Variants in NT5C2 observed in about 807,000 individuals in gnomAD.
The protein encoded by NT5C2 is cytosolic purine 5'-nucleotidase.
NT5C2 carries 58 observed loss-of-function variants against 76.1 expected under a neutral mutation model. The ratio of observed to expected loss-of-function variants is 0.76; its 90% CI spans 0.62 to 0.95. The LOEUF (loss-of-function observed/expected upper bound fraction) is 0.95. NT5C2 is among the 40% of genes least tolerant of loss of function. The pLI, the probability that NT5C2 is intolerant of heterozygous loss-of-function variation, is 0.00. For synonymous variants in NT5C2, 229 were observed against 237.4 expected, an observed-to-expected ratio of 0.96 and a Z score of 0.32; for missense variants, 478 against 690.3, an observed-to-expected ratio of 0.69 and a Z score of 3.45.
rs546746735 is a variant in NT5C2, at chr10:103,133,699, G to C, written c.175+5707C>G. ...ATCCAAAAATGTGGAAGCAACTTTG[G>C]AACTGGGTAACAGACAAATGTTAGA... On this transcript the variant is annotated intron_variant, in intron 4 of 18. Coordinates refer to ENST00000404739, the MANE Select transcript of NT5C2 (RefSeq NM_001351169.2). Among the ~76,000 whole-genome samples, 269 of 152,348 alleles carry C rather than the reference G, an allele frequency of 1.8e-3. 1 individual carries two copies. Among genetic ancestry groups the C allele is most frequent in the African/African-American group, 6.3e-3 (262 of 41,580 alleles).
At chr10:103,170,409 G>C (rs1163099121) in intron 3 of NT5C2, among the ~76,000 whole-genome samples, 3 of 151,622 alleles carry the variant, frequency 2.0e-5, no homozygotes, top group Non-Finnish European at 4.4e-5. Flanking sequence ...CTTACTATAT[G>C]AAAGAACGTA....
At chr10:103,113,498 T>A (rs867718592) in intron 4 of NT5C2, among the ~76,000 whole-genome samples, 2 of 151,624 alleles carry the variant, frequency 1.3e-5, no homozygotes, top group African/African-American at 2.4e-5. Flanking sequence ...TAGCTAATAT[T>A]TTTTTTTTCA....
At chr10:103,190,989 A>G (rs2092591892) in intron 1 of NT5C2, among the ~76,000 whole-genome samples, 1 of 152,232 alleles carries the variant, frequency 6.6e-6, no homozygotes, top group South Asian at 2.1e-4. Flanking sequence ...AAACCAGTCT[A>G]TGTAAGTACT....
At chr10:103,090,023 CA>C in intron 18 of NT5C2, 115 bp from the exon 19 acceptor site, 1 of 711,380 alleles carries the variant, frequency 1.4e-6, no homozygotes, top group Non-Finnish European at 2.2e-6. Context: ...TAATGGACCA[CA>C]GGACAAGTCA....
chr10:103,180,754 AGC>A (rs2090910321), intron 2 of NT5C2, among the ~76,000 whole-genome samples: 1 of 152,170 alleles, frequency 6.6e-6, no homozygotes, highest in East Asian at 1.9e-4. Context: ...AAATGTTCTT[AGC>A]AGCTTTGTAA....
intron 3 of NT5C2, among the ~76,000 whole-genome samples, chr10:103,165,750 T>C (rs891609525): frequency 6.7e-6 from 1 of 149,648 alleles, no homozygotes; most frequent in Non-Finnish European, 1.5e-5. Context: ...AGGCTCACTG[T>C]AACCTCCGCC....
intron 15 of NT5C2, among the ~76,000 whole-genome samples, chr10:103,092,825 T>C (rs1013787527): frequency 3.9e-5 from 6 of 152,198 alleles, no homozygotes; most frequent in African/African-American, 7.2e-5. Context: ...TGGGGAAATA[T>C]GGGACCACAG....
chr10:103,111,860 T>G (rs1383314249), intron 4 of NT5C2: 2 of 1,123,130 alleles, frequency 1.8e-6, no homozygotes, highest in African/African-American at 3.2e-5. Flanking sequence ...AAAAGCTGGT[T>G]TTAAAACTGT....
chr10:103,097,156 C>T, intron 11 of NT5C2, 135 bp downstream of exon 11: 2 of 611,586 alleles, frequency 3.3e-6, no homozygotes. Flanking sequence ...TATATTTTTG[C>T]CTTTTTACTC....
intron 4 of NT5C2, among the ~76,000 whole-genome samples, chr10:103,139,205 T>C (rs2079911665): frequency 6.6e-6 from 1 of 152,160 alleles, no homozygotes. Context: ...TCTATCTATG[T>C]GTACAAACTC....
intron 4 of NT5C2, among the ~76,000 whole-genome samples, chr10:103,112,391 T>C (rs1315574588): frequency 2.6e-5 from 4 of 152,192 alleles, no homozygotes; most frequent in Non-Finnish European, 5.9e-5. Flanking sequence ...ACCAGATATC[T>C]AAATTTGGAA....
In NT5C2 at chr10:103,092,563, G is replaced by A. The variant is rs1293439987; in HGVS notation, c.1159+576C>T. On this transcript the variant is annotated intron_variant, in intron 15 of 18. Transcript: ENST00000404739. ...TCACCTTCACCACACTGCAGGTAAT[G>A]CGCATCAAGGCTGGCTGGAGAACTT... Among the ~76,000 whole-genome samples, 7 of 147,958 alleles carry A rather than the reference G, an allele frequency of 4.7e-5. No individual in the cohort carries two copies. The East Asian group carries it at 1.3e-3, about 28-fold the overall frequency.
At chr10:103,090,582 C>G (rs1215419770) in intron 18 of NT5C2, 29 bp downstream of exon 18, 1 of 1,597,258 alleles carries the variant, frequency 6.3e-7, no homozygotes, top group South Asian at 1.1e-5. Flanking sequence ...TAGAGTACAT[C>G]TTGGCTGTCC....
chr10:103,091,025 A>G, intron 16 of NT5C2, 29 bp from the exon 17 acceptor site: 1 of 1,598,610 alleles, frequency 6.3e-7, no homozygotes, highest in South Asian at 1.1e-5. Context: ...CTCAGTGAAA[A>G]TCTCTGGGAA....
At chr10:103,152,299 C>T (rs1056707311) in intron 3 of NT5C2, among the ~76,000 whole-genome samples, 11 of 152,100 alleles carry the variant, frequency 7.2e-5, no homozygotes, top group African/African-American at 2.7e-4. Flanking sequence ...ATAATTTTCA[C>T]ATTTAAAAGA....
intron 1 of NT5C2, among the ~76,000 whole-genome samples, chr10:103,190,630 G>A (rs1458819441): frequency 1.3e-5 from 2 of 152,188 alleles, no homozygotes; most frequent in African/African-American, 2.4e-5. Context: ...TGAGTTCCCC[G>A]AGGTTGCATG....
At chr10:103,121,953 C>A (rs2075748936) in intron 4 of NT5C2, among the ~76,000 whole-genome samples, 1 of 152,176 alleles carries the variant, frequency 6.6e-6, no homozygotes, top group African/African-American at 2.4e-5. Context: ...GAGGGCAGAT[C>A]ACCTGAGGTC....
intron 6 of NT5C2, among the ~76,000 whole-genome samples, chr10:103,103,263 C>G (rs2070284893): frequency 6.6e-6 from 1 of 152,134 alleles, no homozygotes; most frequent in African/African-American, 2.4e-5. Flanking sequence ...CACATTAGCT[C>G]CCTGTCTTAA....
chr10:103,100,047 G>T, intron 8 of NT5C2, 28 bp from the exon 9 acceptor site: 1 of 1,484,166 alleles, frequency 6.7e-7, no homozygotes, highest in South Asian at 1.1e-5. Context: ...TAACATGACA[G>T]GGGATCCAAA....
Sources: allele counts gnomAD v4.1 joint callset (sites outside exome capture counted in the v4.1 genomes callset), GRCh38; gene constraint gnomAD v4.1.1; transcripts MANE v1.5; gene names NCBI Gene and HGNC (gene_info 2026-07-23, HGNC 2026-07-21).